The following FER1L6 variants were observed in gnomAD, a reference collection of about 807,000 sequenced individuals.
FER1L6 encodes fer-1-like protein 6.
Under a neutral mutation model 219.2 loss-of-function variants are expected in FER1L6, and 177 were observed. That is an observed-to-expected ratio of 0.81 (90% confidence interval 0.71 to 0.91). The LOEUF is 0.91. Ranked by LOEUF, FER1L6 falls within the 40% of genes least tolerant of loss-of-function variation. The pLI is 0.00. For synonymous variants in FER1L6, 768 were observed against 824.3 expected (o/e 0.93, Z 1.17); for missense variants, 2,153 against 2,259.9 (o/e 0.95, Z 0.96).
chr8:123,930,945 C>T (rs1320856586), intron 1 of FER1L6, among the ~76,000 whole-genome samples: 1 of 152,182 alleles, frequency 6.6e-6, no homozygotes, highest in East Asian at 1.9e-4. Flanking sequence ...CTCCCACCTC[C>T]ACCCCACTGG....
chr8:123,862,213 T>A, intron 1 of FER1L6, among the ~76,000 whole-genome samples: 1 of 78,084 alleles, frequency 1.3e-5, no homozygotes, highest in Admixed American at 1.3e-4. Context: ...TGTCAAAGGC[T>A]TTTTCTGCAT....
At chr8:123,961,913 G>A (rs1218000719) in intron 2 of FER1L6, among the ~76,000 whole-genome samples, 2 of 147,060 alleles carry the variant, frequency 1.4e-5, no homozygotes, top group African/African-American at 5.0e-5. Context: ...TGGAGTCTTG[G>A]AGTCTCGCTC....
intron 1 of FER1L6, among the ~76,000 whole-genome samples, chr8:123,863,880 A>C (rs1159286529): frequency 2.0e-5 from 3 of 151,124 alleles, no homozygotes; most frequent in African/African-American, 4.9e-5. Flanking sequence ...GTGTCTCTGC[A>C]TGTGAGATGG....
At chr8:124,076,159 G>T in intron 31 of FER1L6, 39 bp from the exon 32 acceptor site, 1 of 1,611,536 alleles carries the variant, frequency 6.2e-7, no homozygotes, top group South Asian at 1.1e-5. Context: ...CCAATGTTGA[G>T]AGCTATTGAA....
chr8:124,000,147 A>G (rs1288740836), intron 12 of FER1L6, among the ~76,000 whole-genome samples: 1 of 152,190 alleles, frequency 6.6e-6, no homozygotes, highest in African/African-American at 2.4e-5. Context: ...CCACTGTGAC[A>G]AGGCAGCACT....
chr8:123,885,639 T>A (rs1445443686), intron 1 of FER1L6, among the ~76,000 whole-genome samples: 1 of 152,206 alleles, frequency 6.6e-6, no homozygotes, highest in Non-Finnish European at 1.5e-5. Context: ...AGGAAGCTGT[T>A]CAATGTCACA....
chr8:124,004,329 C>G (rs79029656), intron 13 of FER1L6: 1 of 152,090 alleles, frequency 6.6e-6, no homozygotes, highest in Non-Finnish European at 1.5e-5. Flanking sequence ...TCTTTTATTG[C>G]CAGATCTTGA....
chr8:124,118,135 A>ATAG (rs1823324167), intron 39 of FER1L6, among the ~76,000 whole-genome samples: 2 of 152,174 alleles, frequency 1.3e-5, no homozygotes, highest in African/African-American at 4.8e-5. Flanking sequence ...TGTGGCATAC[A>ATAG]AAGGATCCCC....
At chr8:123,984,144 A>G (rs1816448756) in intron 11 of FER1L6, 1 of 151,246 alleles carries the variant, frequency 6.6e-6, no homozygotes, top group African/African-American at 2.5e-5. Context: ...ATTTATGGTG[A>G]TATGTATAGG....
intron 1 of FER1L6, among the ~76,000 whole-genome samples, chr8:123,882,783 G>C (rs565311873): frequency 6.6e-6 from 1 of 152,106 alleles, no homozygotes; most frequent in Admixed American, 6.6e-5. Context: ...AATCAACTCC[G>C]CATGATACTA....
chr8:124,079,665 G>A (rs577162742), intron 32 of FER1L6, among the ~76,000 whole-genome samples: 1 of 152,214 alleles, frequency 6.6e-6, no homozygotes, highest in East Asian at 1.9e-4. Flanking sequence ...TGTTTCCATG[G>A]AACCTACACC....
chr8:123,960,723 C>T (rs1049072291), intron 2 of FER1L6, among the ~76,000 whole-genome samples: 4 of 151,090 alleles, frequency 2.6e-5, no homozygotes, highest in Non-Finnish European at 5.9e-5. Flanking sequence ...TTTTTTCTGT[C>T]GATGGAAAAT....
At chr8:123,952,830 A>T (rs1239026957) in intron 1 of FER1L6, among the ~76,000 whole-genome samples, 1 of 152,204 alleles carries the variant, frequency 6.6e-6, no homozygotes, top group Non-Finnish European at 1.5e-5. Context: ...GGTGTAAAAA[A>T]ATTGTAAACT....
At chr8:123,990,922 T>C (rs1816828037) in intron 12 of FER1L6, among the ~76,000 whole-genome samples, 1 of 152,210 alleles carries the variant, frequency 6.6e-6, no homozygotes, top group Non-Finnish European at 1.5e-5. Context: ...TTTATTCTTC[T>C]ACGTGTGGCT....
intron 39 of FER1L6, among the ~76,000 whole-genome samples, chr8:124,115,429 G>A (rs181193787): frequency 4.0e-4 from 61 of 152,114 alleles, no homozygotes; most frequent in African/African-American, 1.2e-3. Flanking sequence ...CATTGCGACC[G>A]TTCTAGCAGG....
chr8:123,896,133 C>T (rs1003787321), intron 1 of FER1L6, among the ~76,000 whole-genome samples: 5 of 152,032 alleles, frequency 3.3e-5, no homozygotes, highest in Admixed American at 1.3e-4. Flanking sequence ...TGGCCTTGTC[C>T]CAGGAGGTAA....
intron 27 of FER1L6, 119 bp from the exon 28 acceptor site, chr8:124,067,648 C>T: frequency 2.2e-6 from 2 of 897,408 alleles, no homozygotes; most frequent in South Asian, 3.3e-5. Context: ...TGCTTACAGA[C>T]TGTTTGAATA....
chr8:123,934,607 A>C (rs1230040159), intron 1 of FER1L6, among the ~76,000 whole-genome samples: 1 of 151,896 alleles, frequency 6.6e-6, no homozygotes, highest in African/African-American at 2.4e-5. Flanking sequence ...ATGTGCTATC[A>C]ATTGGCTCAT....
chr8:124,085,723 C>G (rs776093791), intron 33 of FER1L6, among the ~76,000 whole-genome samples: 4 of 151,700 alleles, frequency 2.6e-5, no homozygotes, highest in Non-Finnish European at 5.9e-5. Flanking sequence ...GTTCTGTAAA[C>G]ATCTATCAGG....
Sources: allele counts gnomAD v4.1 joint callset (sites outside exome capture counted in the v4.1 genomes callset), GRCh38; gene constraint gnomAD v4.1.1; transcripts MANE v1.5; gene names NCBI Gene and HGNC (gene_info 2026-07-23, HGNC 2026-07-21).